The following IRAG1 variants were observed in gnomAD, a reference collection of about 807,000 sequenced individuals.
IRAG1 encodes the protein inositol 1,4,5-triphosphate receptor associated 1, also known as IP3R-associated cGMP kinase substrate.
A neutral mutation model predicts 106.2 loss-of-function variants in IRAG1; 62 were observed. The observed-to-expected ratio is 0.58, with a 90% CI of 0.48 to 0.72. IRAG1 has a LOEUF of 0.72. Ranked by LOEUF, IRAG1 falls within the 30% of genes least tolerant of loss-of-function variation. The pLI is 0.00. For missense variants in IRAG1, 1,064 were observed against 1,140.7 expected, an observed-to-expected ratio of 0.93 and a Z score of 0.97; for synonymous variants, 462 against 443.9, an observed-to-expected ratio of 1.04 and a Z score of -0.51.
intron 4 of IRAG1, among the ~76,000 whole-genome samples, chr11:10,630,980 G>C (rs900926988): frequency 6.6e-6 from 1 of 152,190 alleles, no homozygotes; most frequent in Non-Finnish European, 1.5e-5. Context: ...GGGCAATCCT[G>C]GTGTGGAGTA....
chr11:10,661,844 G>C (rs1859429153), intron 1 of IRAG1, among the ~76,000 whole-genome samples: 2 of 152,142 alleles, frequency 1.3e-5, no homozygotes, highest in African/African-American at 4.8e-5. Context: ...ATAGGTTCCT[G>C]GGTTAGGATG....
intron 1 of IRAG1, among the ~76,000 whole-genome samples, chr11:10,678,616 T>C (rs1422994399): frequency 1.3e-5 from 2 of 152,094 alleles, no homozygotes; most frequent in Non-Finnish European, 2.9e-5. Context: ...ACAGCGGCCC[T>C]CTCTCAATTT....
chr11:10,689,291 A>T lies in IRAG1; in HGVS notation c.67+4245T>A, dbSNP rs79045743. On this transcript the variant is annotated intron_variant, in intron 1 of 20. Coordinates refer to ENST00000423302, the MANE Select transcript of IRAG1 (RefSeq NM_130385.4). ...TTTGAATTTGTCCAGGACCTGTCCC[A>T]ATTTTAGCACTGGAAGTCCTGCAGC... is the stretch of plus-strand genomic sequence containing the variant. Among the ~76,000 whole-genome samples the T allele has an allele frequency of 1.9e-3, 285 of 152,278 alleles. 1 individual carries two copies. Among genetic ancestry groups the T allele is most frequent in the African/African-American group, 6.7e-3 (277 of 41,552 alleles).
Position 10,576,595 on chromosome 11 carries a change from T to G in IRAG1, c.2496-20A>C, listed in dbSNP as rs750959169. 2 of 1,613,514 alleles carry G rather than the reference T, an allele frequency of 1.2e-6. No homozygotes were observed. The highest frequency in any genetic ancestry group is 2.7e-5 in the African/African-American group (2 of 74,918). On this transcript the variant is annotated intron_variant, in intron 20 of 20. Transcript: ENST00000423302. Reference sequence around the variant, plus strand: ...AGTTTGCTGTCAATGAAAAAAAATATGCAGAGGCTTTAGTATACTGGGCAC... The same window carrying G: ...AGTTTGCTGTCAATGAAAAAAAATAGGCAGAGGCTTTAGTATACTGGGCAC...
At chr11:10,673,007 G>A (rs926663662) in intron 1 of IRAG1, among the ~76,000 whole-genome samples, 6 of 152,182 alleles carry the variant, frequency 3.9e-5, no homozygotes, top group African/African-American at 1.2e-4. Context: ...GAAGAGCCAG[G>A]CGCGGTGGCT....
chr11:10,612,548 C>A (rs1855054734), intron 10 of IRAG1, among the ~76,000 whole-genome samples: 1 of 151,594 alleles, frequency 6.6e-6, no homozygotes, highest in Admixed American at 6.6e-5. Context: ...ACCTACAATA[C>A]AATATATCTA....
At chr11:10,611,121 T>C (rs1464071395) in intron 10 of IRAG1, among the ~76,000 whole-genome samples, 1 of 152,228 alleles carries the variant, frequency 6.6e-6, no homozygotes, top group Admixed American at 6.5e-5. Context: ...TTAAATACTT[T>C]GAGCTTGCCA....
At chr11:10,607,083 T>C (rs1854540095) in intron 11 of IRAG1, among the ~76,000 whole-genome samples, 1 of 146,684 alleles carries the variant, frequency 6.8e-6, no homozygotes, top group African/African-American at 2.8e-5. Context: ...TACTCATGTA[T>C]GTATGTGTAT....
intron 10 of IRAG1, among the ~76,000 whole-genome samples, chr11:10,620,457 C>T (rs1392989500): frequency 6.6e-6 from 1 of 152,074 alleles, no homozygotes; most frequent in African/African-American, 2.4e-5. Context: ...CCAAACAAAT[C>T]AACGAAAAAC....
At chr11:10,646,115 A>AC (rs1206823359) in intron 2 of IRAG1, among the ~76,000 whole-genome samples, 2 of 152,116 alleles carry the variant, frequency 1.3e-5, no homozygotes, top group Non-Finnish European at 2.9e-5. Flanking sequence ...CCTTTCCTGT[A>AC]CCTTCTGGAA....
intron 10 of IRAG1, chr11:10,616,941 G>T (rs1855479968): frequency 2.8e-6 from 2 of 717,958 alleles, no homozygotes; most frequent in Admixed American, 6.3e-5. Context: ...ACCATGTCAG[G>T]GACTTGGAAA....
At chr11:10,640,134 G>A (rs930292580) in intron 2 of IRAG1, among the ~76,000 whole-genome samples, 7 of 152,110 alleles carry the variant, frequency 4.6e-5, no homozygotes, top group African/African-American at 7.3e-5. Context: ...TACAAGGCAC[G>A]GGAGTGAGCT....
At chr11:10,660,304 T>C (rs1859293639) in intron 1 of IRAG1, among the ~76,000 whole-genome samples, 1 of 152,246 alleles carries the variant, frequency 6.6e-6, no homozygotes, top group Non-Finnish European at 1.5e-5. Context: ...AACTGCTTTT[T>C]AATTATTTTA....
chr11:10,604,405 C>T lies in IRAG1; in HGVS notation c.1743G>A (p.Thr581=), dbSNP rs917958840. 2.5e-6 allele frequency: 4 copies of T among 1,613,864 alleles called. No homozygotes were observed. Among genetic ancestry groups the T allele is most frequent in the Non-Finnish European group, 3.4e-6 (4 of 1,179,884 alleles). ...TCCTCACATCAGGCTCCACAATTAC[C>T]GTAATGGAAGCTTTGAAGTTTTCCA... ...KELENFKASI[T]SSASLWHHCE... Residue 581 remains threonine, a splice_region_variant and synonymous_variant, in exon 13 of 21, where the codon ACG becomes ACA. Transcript: ENST00000423302.
rs2303402 is a variant in IRAG1, at chr11:10,624,022, A to C, written c.1369-166T>G. ...ATGGTGAGGCCTGAGAAGCACCAGG[A>C]AATAGTTCCTCTCCCAGTCCGTGAA... On this transcript the variant is annotated intron_variant, in intron 9 of 20. Transcript: ENST00000423302. 1.2e-3 allele frequency among the ~76,000 whole-genome samples: 179 copies of C among 151,896 alleles called. 1 individual carries two copies. The highest frequency in any genetic ancestry group is 1.9e-3 in the Non-Finnish European group (129 of 67,916).
intron 2 of IRAG1, among the ~76,000 whole-genome samples, chr11:10,636,416 A>G (rs538079178): frequency 6.6e-6 from 1 of 152,242 alleles, no homozygotes; most frequent in African/African-American, 2.4e-5. Context: ...GAATCAAGCG[A>G]TCTTCCCACG....
chr11:10,623,052 G>T (rs10500729), intron 10 of IRAG1, among the ~76,000 whole-genome samples: 13,180 of 152,194 alleles, frequency 0.087, 1,525 homozygotes, highest in African/African-American at 0.27. Context: ...TCTTAGCCTG[G>T]TTTTACATGC....
In IRAG1 at chr11:10,576,533, G is replaced by A; in HGVS notation, c.2538C>T (p.Pro846=). The change falls in exon 21 of 21, where the codon CCC becomes CCT. Residue 846 remains proline, a synonymous_variant. Coordinates refer to ENST00000423302, the MANE Select transcript of IRAG1 (RefSeq NM_130385.4). ...TCACTTGCCAGTGCTGACACAGTTT[G>A]GGATACATGACTTGTAAGAAATGGA... ...ELVHFLQVMY[P]KLCQHWQVIW... 1 of 1,614,004 alleles carries A rather than the reference G, an allele frequency of 6.2e-7. No homozygotes were observed. The highest frequency in any genetic ancestry group is 8.5e-7 in the Non-Finnish European group (1 of 1,179,888).
At chr11:10,654,168 C>T (rs1178823994) in intron 1 of IRAG1, among the ~76,000 whole-genome samples, 1 of 152,156 alleles carries the variant, frequency 6.6e-6, no homozygotes. Flanking sequence ...AGAAAGGGCT[C>T]GGAAAGCCCC....
Sources: gnomAD v4.1 joint callset for allele counts (sites outside exome capture counted in the v4.1 genomes callset) on GRCh38, gnomAD v4.1.1 for gene constraint, MANE v1.5 for transcripts, NCBI Gene and HGNC (gene_info 2026-07-23, HGNC 2026-07-21) for gene names.